The following SLC24A2 variants were observed in gnomAD, a reference collection of about 807,000 sequenced individuals.
SLC24A2 encodes the protein solute carrier family 24 member 2.
In SLC24A2, 36 loss-of-function variants were observed where a neutral mutation model predicts 62.0. That is an observed-to-expected ratio of 0.58 (90% CI 0.44 to 0.77). The LOEUF (loss-of-function observed/expected upper bound fraction) is 0.77. SLC24A2 is among the 30% of genes least tolerant of loss of function. SLC24A2 has a pLI of 0.00. For missense variants in SLC24A2, 846 were observed against 817.9 expected (o/e 1.03, Z -0.42); for synonymous variants, 358 against 294.0 (o/e 1.22, Z -2.23).
At chr9:19,998,459 T>A in the SLC24A2 span, among the ~76,000 whole-genome samples, 2 of 152,206 alleles carry the variant, frequency 1.3e-5, no homozygotes, top group Non-Finnish European at 2.9e-5. Flanking sequence ...TCATTGTAGC[T>A]CCAGCATTTC....
In SLC24A2 at chr9:19,786,367, T is replaced by G; in HGVS notation, c.500A>C (p.Lys167Thr). The change falls in exon 2 of 11, where the codon AAA (lysine) becomes ACA (threonine). Residue 167 changes from lysine (K) to threonine (T), a missense_variant. Physicochemically the swap from Lys to Thr is moderately conservative, Grantham distance 78. Coordinates refer to ENST00000341998, the MANE Select transcript of SLC24A2 (RefSeq NM_020344.4). The surrounding 1 kb of genome is among the most constrained non-coding windows in gnomAD (Gnocchi z 5.0). The part of the protein sequence containing the change: ...FVPSLTVITE[K>T]LGISDDVAGA... ...AGCCACATCATCAGAGATGCCCAGTTTTTCAGTGATGACAGTCAAAGAAGG... is the reference window on the plus strand; with the variant it reads ...AGCCACATCATCAGAGATGCCCAGTGTTTCAGTGATGACAGTCAAAGAAGG... The G allele has an allele frequency of 1.9e-6, 3 of 1,614,172 alleles. No individual in the cohort carries two copies. The highest frequency in any genetic ancestry group is 2.5e-6 in the Non-Finnish European group (3 of 1,180,030).
intron 2 of SLC24A2, among the ~76,000 whole-genome samples, chr9:19,727,224 T>G (rs1269230956): frequency 2.0e-5 from 3 of 152,180 alleles, no homozygotes; most frequent in Non-Finnish European, 4.4e-5. Context: ...TATTAGACAT[T>G]TTTATGTGGA....
intron 2 of SLC24A2, among the ~76,000 whole-genome samples, chr9:19,748,792 C>T (rs184006788): frequency 4.3e-4 from 66 of 151,910 alleles, no homozygotes; most frequent in Admixed American, 2.9e-3. Flanking sequence ...TTCCTAGAAA[C>T]GGAAGGAAGG....
the SLC24A2 span, among the ~76,000 whole-genome samples, chr9:20,083,116 G>A: frequency 4.6e-5 from 7 of 152,232 alleles, no homozygotes; most frequent in African/African-American, 1.7e-4. Flanking sequence ...GGAATTCAGA[G>A]CTTCTGAAAC....
chr9:19,991,422 T>C, the SLC24A2 span, among the ~76,000 whole-genome samples: 15 of 152,190 alleles, frequency 9.9e-5, no homozygotes, highest in African/African-American at 3.4e-4. Context: ...CCTACCCAGA[T>C]TGAAGGTGGG....
the SLC24A2 span, among the ~76,000 whole-genome samples, chr9:20,099,783 G>A: frequency 1.6e-4 from 24 of 152,152 alleles, no homozygotes; most frequent in African/African-American, 5.5e-4. Context: ...ATTTTATTTT[G>A]TAGAAAATAG....
intron 2 of SLC24A2, among the ~76,000 whole-genome samples, chr9:19,673,669 C>T (rs1199784387): frequency 6.6e-6 from 1 of 152,134 alleles, no homozygotes; most frequent in East Asian, 1.9e-4. Flanking sequence ...AGTCTGGTCT[C>T]GAACTTCTGA....
At chr9:19,553,223 C>G (rs777722705) in intron 7 of SLC24A2, among the ~76,000 whole-genome samples, 1 of 152,164 alleles carries the variant, frequency 6.6e-6, no homozygotes, top group Non-Finnish European at 1.5e-5. Context: ...AAATACTGTT[C>G]CAAGTTTGAG....
the SLC24A2 span, among the ~76,000 whole-genome samples, chr9:20,184,954 A>G: frequency 2.0e-5 from 3 of 152,304 alleles, no homozygotes; most frequent in South Asian, 2.1e-4. Context: ...CAACATGGAT[A>G]TATCTGGAGG....
At chr9:19,762,878 G>T (rs1167409773) in intron 2 of SLC24A2, among the ~76,000 whole-genome samples, 2 of 150,592 alleles carry the variant, frequency 1.3e-5, no homozygotes, top group Admixed American at 1.3e-4. Flanking sequence ...AGCTTGATGG[G>T]AATAGCATTG....
At chr9:20,220,457 G>A in the SLC24A2 span, among the ~76,000 whole-genome samples, 1 of 152,154 alleles carries the variant, frequency 6.6e-6, no homozygotes, top group Non-Finnish European at 1.5e-5. Flanking sequence ...GGAGATCCCA[G>A]ATGGCCTGAC....
chr9:19,639,872 G>T (rs888289845), intron 2 of SLC24A2, among the ~76,000 whole-genome samples: 1 of 152,196 alleles, frequency 6.6e-6, no homozygotes, highest in African/African-American at 2.4e-5. Context: ...CATAGTAGAG[G>T]GAGGAAAGAC....
At chr9:20,047,008 A>G in the SLC24A2 span, among the ~76,000 whole-genome samples, 1 of 152,130 alleles carries the variant, frequency 6.6e-6, no homozygotes, top group Non-Finnish European at 1.5e-5. Flanking sequence ...TTACGGGACT[A>G]CTATTCCTTT....
At chr9:20,285,073 G>A in the SLC24A2 span, among the ~76,000 whole-genome samples, 1 of 152,144 alleles carries the variant, frequency 6.6e-6, no homozygotes, top group Non-Finnish European at 1.5e-5. Flanking sequence ...CAAACAATAG[G>A]CCAGAGCTAG....
At chr9:20,177,526 G>A in the SLC24A2 span, among the ~76,000 whole-genome samples, 6 of 152,058 alleles carry the variant, frequency 3.9e-5, no homozygotes, top group African/African-American at 1.4e-4. Flanking sequence ...TGTTGACCCC[G>A]TTAGATGATC....
chr9:19,612,597 T>A (rs1198282019), intron 4 of SLC24A2, among the ~76,000 whole-genome samples: 1 of 152,218 alleles, frequency 6.6e-6, no homozygotes, highest in African/African-American at 2.4e-5. Flanking sequence ...GTCACACACC[T>A]AGTGAAGGAC....
the SLC24A2 span, among the ~76,000 whole-genome samples, chr9:20,121,188 G>A: frequency 6.7e-6 from 1 of 149,634 alleles, no homozygotes; most frequent in Non-Finnish European, 1.5e-5. Context: ...AAATTGAATT[G>A]CATTTATAGG....
chr9:19,556,005 G>A (rs1016071552), intron 7 of SLC24A2, among the ~76,000 whole-genome samples: 4 of 152,180 alleles, frequency 2.6e-5, no homozygotes, highest in African/African-American at 9.7e-5. Context: ...GTAACAAATT[G>A]ATAACTGCCT....
the SLC24A2 span, among the ~76,000 whole-genome samples, chr9:20,243,744 A>G: frequency 1.3e-5 from 2 of 152,150 alleles, no homozygotes; most frequent in Non-Finnish European, 1.5e-5. Flanking sequence ...GATGTGGTCA[A>G]TGGGGGTGAT....
Sources: allele counts gnomAD v4.1 joint callset (sites outside exome capture counted in the v4.1 genomes callset), GRCh38; gene constraint gnomAD v4.1.1; non-coding constraint Gnocchi (gnomAD v3.1); transcripts MANE v1.5; gene names NCBI Gene and HGNC (gene_info 2026-07-23, HGNC 2026-07-21).